NT5DC1: variants seen among roughly 807,000 people sequenced by gnomAD.
NT5DC1 encodes 5'-nucleotidase domain containing 1, also known as 5'-nucleotidase domain-containing protein 1.
NT5DC1 carries 42 observed loss-of-function variants against 59.4 expected under a neutral mutation model. That is an observed-to-expected ratio of 0.71 (90% CI 0.55 to 0.92). The LOEUF (loss-of-function observed/expected upper bound fraction) is 0.92, where lower values mean the gene tolerates loss of function less well. Ranked by LOEUF, NT5DC1 falls within the 40% of genes least tolerant of loss-of-function variation. NT5DC1 has a pLI of 0.00. For missense variants in NT5DC1, 501 were observed against 537.1 expected (o/e 0.93, Z 0.66); for synonymous variants, 172 against 188.1 (o/e 0.91, Z 0.70).
chr6:116,153,479 A>T (rs190944959), intron 6 of NT5DC1, among the ~76,000 whole-genome samples: 1 of 152,112 alleles, frequency 6.6e-6, no homozygotes, highest in Non-Finnish European at 1.5e-5. Context: ...ATAGAAGATA[A>T]TATGCCATTT....
At chr6:116,189,175 A>G (rs1349456279) in intron 6 of NT5DC1, among the ~76,000 whole-genome samples, 2 of 151,594 alleles carry the variant, frequency 1.3e-5, no homozygotes, top group African/African-American at 4.8e-5. Context: ...TTTTTAGTTG[A>G]CCACTCTTGA....
intron 6 of NT5DC1, among the ~76,000 whole-genome samples, chr6:116,207,238 A>G (rs1236670221): frequency 6.6e-6 from 1 of 151,988 alleles, no homozygotes; most frequent in Non-Finnish European, 1.5e-5. Context: ...TAAATGGATC[A>G]TATGTCTTAA....
chr6:116,224,534 AAGGTT>A (rs1201756949), intron 8 of NT5DC1, among the ~76,000 whole-genome samples: 58 of 152,318 alleles, frequency 3.8e-4, no homozygotes, highest in African/African-American at 1.3e-3. Context: ...TCTGTCCAAA[AAGGTT>A]AGGTAGGGTG....
chr6:116,122,939 A>C (rs921158312), intron 6 of NT5DC1, among the ~76,000 whole-genome samples: 6 of 152,228 alleles, frequency 3.9e-5, no homozygotes, highest in Non-Finnish European at 7.3e-5. Context: ...AGAAAAATTT[A>C]TGTAAAAGAT....
chr6:116,202,834 G>A (rs1781375230), intron 6 of NT5DC1, among the ~76,000 whole-genome samples: 1 of 152,022 alleles, frequency 6.6e-6, no homozygotes, highest in African/African-American at 2.4e-5. Context: ...ATCAGAAAAA[G>A]TGACAGTTCT....
intron 6 of NT5DC1, among the ~76,000 whole-genome samples, chr6:116,168,591 G>C (rs1780532032): frequency 6.6e-6 from 1 of 152,000 alleles, no homozygotes; most frequent in Non-Finnish European, 1.5e-5. Flanking sequence ...GAGCTGCTGT[G>C]GATCTGGTTC....
intron 2 of NT5DC1, among the ~76,000 whole-genome samples, chr6:116,107,611 C>T (rs1358995474): frequency 1.3e-5 from 2 of 148,320 alleles, no homozygotes; most frequent in African/African-American, 2.6e-5. Flanking sequence ...CTGGCTCTGT[C>T]GCCCAGGCTG....
At chr6:116,178,517 C>T (rs560586916) in intron 6 of NT5DC1, among the ~76,000 whole-genome samples, 4 of 152,282 alleles carry the variant, frequency 2.6e-5, no homozygotes, top group East Asian at 3.9e-4. Context: ...GAAAACTAAC[C>T]GACTTCCAGT....
chr6:116,177,735 AAAT>A (rs571047823), intron 6 of NT5DC1, among the ~76,000 whole-genome samples: 5 of 152,122 alleles, frequency 3.3e-5, no homozygotes, highest in South Asian at 4.1e-4. Context: ...CTAAGTAATT[AAAT>A]AATAATATTC....
Position 116,163,713 on chromosome 6 carries a change from C to T in NT5DC1, c.529+45768C>T, listed in dbSNP as rs147488823. 1.6e-4 allele frequency among the ~76,000 whole-genome samples: 24 copies of T among 152,066 alleles called. 1 individual carries two copies. The highest frequency in any genetic ancestry group is 1.2e-3 in the East Asian group (6 of 5,178). Reference sequence around the variant, plus strand: ...GTTTGTTAGGTACATCATTTGGTTGCGAATTTGAGATCTATCTTTTTGATT... The same window carrying T: ...GTTTGTTAGGTACATCATTTGGTTGTGAATTTGAGATCTATCTTTTTGATT... On this transcript the variant is annotated intron_variant, in intron 6 of 11. Coordinates refer to ENST00000319550, the MANE Select transcript of NT5DC1 (RefSeq NM_152729.3).
At chr6:116,133,725 C>G (rs949871884) in intron 6 of NT5DC1, among the ~76,000 whole-genome samples, 4 of 152,166 alleles carry the variant, frequency 2.6e-5, no homozygotes, top group African/African-American at 7.2e-5. Flanking sequence ...TGCAAAGATG[C>G]TAAGTGAGTC....
intron 6 of NT5DC1, among the ~76,000 whole-genome samples, chr6:116,195,088 C>A (rs1049497542): frequency 2.0e-5 from 3 of 152,030 alleles, no homozygotes; most frequent in Non-Finnish European, 4.4e-5. Context: ...TTTTTGCTTG[C>A]CAGCCTAGGA....
intron 6 of NT5DC1, among the ~76,000 whole-genome samples, chr6:116,124,631 A>G (rs1779237222): frequency 6.6e-6 from 1 of 152,222 alleles, no homozygotes; most frequent in South Asian, 2.1e-4. Flanking sequence ...TAATTCATTT[A>G]AACTTCGCAG....
At chr6:116,177,370 T>C (rs149412960) in intron 6 of NT5DC1, among the ~76,000 whole-genome samples, 116 of 152,260 alleles carry the variant, frequency 7.6e-4, no homozygotes, top group African/African-American at 2.6e-3. Context: ...CACTATAAAA[T>C]CTAGACTTTA....
intron 6 of NT5DC1, among the ~76,000 whole-genome samples, chr6:116,156,506 G>C (rs1353159237): frequency 6.6e-6 from 1 of 152,158 alleles, no homozygotes; most frequent in African/African-American, 2.4e-5. Flanking sequence ...AAAGGAATGC[G>C]TCTTAAGGAA....
chr6:116,128,337 C>T (rs1021905218), intron 6 of NT5DC1, among the ~76,000 whole-genome samples: 1 of 152,114 alleles, frequency 6.6e-6, no homozygotes, highest in African/African-American at 2.4e-5. Context: ...TATTTTCTAG[C>T]CACACCCCAC....
intron 6 of NT5DC1, among the ~76,000 whole-genome samples, chr6:116,162,126 T>G (rs1166635564): frequency 6.6e-6 from 1 of 152,222 alleles, no homozygotes; most frequent in Non-Finnish European, 1.5e-5. Flanking sequence ...GTGTTAATTT[T>G]GTATCCTGAG....
intron 6 of NT5DC1, among the ~76,000 whole-genome samples, chr6:116,165,853 C>G (rs962932579): frequency 5.9e-5 from 9 of 152,340 alleles, no homozygotes; most frequent in African/African-American, 1.7e-4. Flanking sequence ...TTGCAGGGTA[C>G]TGGTGATTGC....
In NT5DC1 at chr6:116,117,591, C is replaced by T. The variant is rs574377528; in HGVS notation, c.445-270C>T. Among the ~76,000 whole-genome samples, 31 of 152,224 alleles carry T rather than the reference C, an allele frequency of 2.0e-4. 1 individual carries two copies. The highest frequency in any genetic ancestry group is 3.8e-4 in the Non-Finnish European group (26 of 68,010). ...TTATCCTACTGTTGGGCAAAGTCAT[C>T]AAAAGAAAGCCTATTTTATAATAAA... On this transcript the variant is annotated intron_variant, in intron 5 of 11. Transcript: ENST00000319550.
Sources: gnomAD v4.1 joint callset for allele counts (sites outside exome capture counted in the v4.1 genomes callset) on GRCh38, gnomAD v4.1.1 for gene constraint, MANE v1.5 for transcripts, NCBI Gene and HGNC (gene_info 2026-07-23, HGNC 2026-07-21) for gene names.